Variants in NAV2 observed in about 807,000 individuals in gnomAD.
NAV2 encodes neuron navigator 2.
Under a neutral mutation model 223.2 loss-of-function variants are expected in NAV2, and 54 were observed. The ratio of observed to expected loss-of-function variants is 0.24; its 90% CI spans 0.19 to 0.30. The LOEUF (loss-of-function observed/expected upper bound fraction) is 0.30. Among genes scored for constraint, NAV2 ranks in the 10% least tolerant of loss-of-function variants. The pLI is 1.00. For synonymous variants in NAV2, 1,279 were observed against 1,239.3 expected (o/e 1.03, Z -0.67); for missense variants, 2,806 against 3,147.5 (o/e 0.89, Z 2.60).
intron 1 of NAV2, among the ~76,000 whole-genome samples, chr11:19,469,135 A>G (rs916676165): frequency 1.3e-5 from 2 of 152,190 alleles, no homozygotes; most frequent in African/African-American, 2.4e-5. Context: ...AGCAAACCCT[A>G]TTATACAAGA....
intron 1 of NAV2, among the ~76,000 whole-genome samples, chr11:19,671,090 A>G (rs998765710): frequency 1.3e-5 from 2 of 151,670 alleles, no homozygotes; most frequent in Non-Finnish European, 2.9e-5. Flanking sequence ...GCTGACAGGC[A>G]TTTTGAAGCT....
At chr11:19,797,360 G>A (rs577606753) in intron 1 of NAV2, among the ~76,000 whole-genome samples, 1 of 152,144 alleles carries the variant, frequency 6.6e-6, no homozygotes, top group Non-Finnish European at 1.5e-5. Context: ...CATTTCAGCT[G>A]CAGTTATGTT....
At chr11:19,997,713 G>C (rs1186135921) in intron 11 of NAV2, among the ~76,000 whole-genome samples, 1 of 152,140 alleles carries the variant, frequency 6.6e-6, no homozygotes, top group Non-Finnish European at 1.5e-5. Context: ...TGGCTCTAAA[G>C]CCAGTGTTAT....
intron 1 of NAV2, among the ~76,000 whole-genome samples, chr11:19,622,234 T>G (rs902740918): frequency 2.0e-5 from 3 of 152,234 alleles, no homozygotes; most frequent in Non-Finnish European, 2.9e-5. Flanking sequence ...TATATTCTGT[T>G]GATTTGGGGT....
chr11:19,431,322 C>CT (rs1851029002), intron 1 of NAV2, among the ~76,000 whole-genome samples: 1 of 152,152 alleles, frequency 6.6e-6, no homozygotes, highest in African/African-American at 2.4e-5. Flanking sequence ...TTAACGACTG[C>CT]TGAAGCTGGA....
At chr11:19,670,277 G>A (rs1461470468) in intron 1 of NAV2, among the ~76,000 whole-genome samples, 1 of 152,128 alleles carries the variant, frequency 6.6e-6, no homozygotes, top group Admixed American at 6.5e-5. Flanking sequence ...CCGGAGTCTG[G>A]GTTTGCTGCC....
In NAV2 at chr11:19,847,908, A is replaced by G. The variant is rs2060894075; in HGVS notation, c.438+4985A>G. Among the ~76,000 whole-genome samples the G allele has an allele frequency of 1.3e-5, 2 of 152,208 alleles. 1 individual carries two copies. Among genetic ancestry groups the G allele is most frequent in the South Asian group, 4.1e-4 (2 of 4,830 alleles). On this transcript the variant is annotated intron_variant, in intron 3 of 37. Coordinates refer to ENST00000349880, the MANE Select transcript of NAV2 (RefSeq NM_145117.5). Reference sequence around the variant, plus strand: ...ATAATGAAGATTTCTTTCAGTGATCATTCATGTTTTGGGGGACATAGAACC... The same window carrying G: ...ATAATGAAGATTTCTTTCAGTGATCGTTCATGTTTTGGGGGACATAGAACC...
At chr11:20,096,870 A>T (rs1329223370) in intron 30 of NAV2, among the ~76,000 whole-genome samples, 1 of 152,208 alleles carries the variant, frequency 6.6e-6, no homozygotes, top group Non-Finnish European at 1.5e-5. Flanking sequence ...ATCTCTGGTG[A>T]TGGACAGTTG....
intron 1 of NAV2, among the ~76,000 whole-genome samples, chr11:19,761,639 AC>A (rs1367117344): frequency 6.6e-6 from 1 of 152,158 alleles, no homozygotes; most frequent in Non-Finnish European, 1.5e-5. Flanking sequence ...TCAGCTTTAC[AC>A]CCAGCTACTG....
At chr11:19,654,267 C>T (rs1470079302) in intron 1 of NAV2, among the ~76,000 whole-genome samples, 1 of 152,174 alleles carries the variant, frequency 6.6e-6, no homozygotes, top group Non-Finnish European at 1.5e-5. Flanking sequence ...GAAGAACATT[C>T]CATGCTCATG....
chr11:19,977,798 C>CTTTTTTTT lies in NAV2; in HGVS notation c.2646-6311_2646-6304dup, dbSNP rs1221334182. The stretch of plus-strand genomic sequence containing the variant: ...TCTTTTCAGAGAGGTCAACTTTTTT[C>CTTTTTTTT]TTTTTTTTTTTTTTTTTTTTTTTGA... On this transcript the variant is annotated intron_variant, in intron 10 of 37. Transcript: ENST00000349880. 6.1e-3 allele frequency among the ~76,000 whole-genome samples: 552 copies of CTTTTTTTT among 90,536 alleles called. 1 individual carries two copies. Among genetic ancestry groups the CTTTTTTTT allele is most frequent in the Middle Eastern group, 0.011 (1 of 92 alleles). The allele number at this position is 90,536 out of a possible 152,430, so 59.4% of individuals were successfully genotyped here. A position where few individuals can be genotyped will look rare whatever the true frequency, so the allele number is the denominator to read the frequency against.
intron 1 of NAV2, among the ~76,000 whole-genome samples, chr11:19,459,998 T>G (rs756568350): frequency 6.6e-6 from 1 of 152,206 alleles, no homozygotes; most frequent in Non-Finnish European, 1.5e-5. Flanking sequence ...AGATTAGGAT[T>G]AAAATCCTTG....
chr11:19,399,861 G>A (rs1849610847), intron 1 of NAV2, among the ~76,000 whole-genome samples: 1 of 152,180 alleles, frequency 6.6e-6, no homozygotes, highest in Non-Finnish European at 1.5e-5. Flanking sequence ...TTCTCTGATG[G>A]GATGGCTCTA....
intron 1 of NAV2, among the ~76,000 whole-genome samples, chr11:19,561,983 C>T (rs1412573116): frequency 6.6e-6 from 1 of 152,220 alleles, no homozygotes; most frequent in African/African-American, 2.4e-5. Flanking sequence ...TCTCTCCTGC[C>T]ATTGATGGGC....
intron 1 of NAV2, among the ~76,000 whole-genome samples, chr11:19,693,949 G>A (rs1262600849): frequency 6.6e-6 from 1 of 152,216 alleles, no homozygotes; most frequent in East Asian, 1.9e-4. Context: ...TGAGTCAAAA[G>A]TAGTTGTTAT....
chr11:19,583,807 A>C (rs1017007630), intron 1 of NAV2, among the ~76,000 whole-genome samples: 2 of 152,158 alleles, frequency 1.3e-5, no homozygotes, highest in African/African-American at 4.8e-5. Flanking sequence ...TTTTGCATCA[A>C]TGTTCATCAG....
intron 1 of NAV2, among the ~76,000 whole-genome samples, chr11:19,444,316 C>A (rs1033838193): frequency 6.6e-6 from 1 of 152,130 alleles, no homozygotes; most frequent in East Asian, 1.9e-4. Flanking sequence ...GATTTGGGCT[C>A]CCCCTCCACA....
At chr11:19,894,677 G>A (rs578090174) in intron 6 of NAV2, among the ~76,000 whole-genome samples, 1 of 152,286 alleles carries the variant, frequency 6.6e-6, no homozygotes, top group East Asian at 1.9e-4. Flanking sequence ...AATTCCAGTA[G>A]AGGCAATGCC....
intron 1 of NAV2, among the ~76,000 whole-genome samples, chr11:19,651,411 G>A (rs893425339): frequency 6.6e-6 from 1 of 152,250 alleles, no homozygotes; most frequent in Non-Finnish European, 1.5e-5. Context: ...CAGAACCTGT[G>A]ATGCACATGA....
Sources: gnomAD v4.1 joint callset for allele counts (sites outside exome capture counted in the v4.1 genomes callset) on GRCh38, gnomAD v4.1.1 for gene constraint, MANE v1.5 for transcripts, NCBI Gene and HGNC (gene_info 2026-07-23, HGNC 2026-07-21) for gene names.